The following P2RY6 variants were observed in gnomAD, a reference collection of about 807,000 sequenced individuals.
P2RY6 encodes P2Y purinoceptor 6.
In P2RY6, 19 loss-of-function variants were observed where a neutral mutation model predicts 16.3. The ratio of observed to expected loss-of-function variants is 1.16; its 90% CI spans 0.81 to 1.71. The LOEUF (loss-of-function observed/expected upper bound fraction) is 1.71, where lower values mean the gene tolerates loss of function less well. Ranked by LOEUF, P2RY6 falls within the 40% of genes most tolerant of loss-of-function variation. P2RY6 has a pLI of 0.00. For missense variants in P2RY6, 389 were observed against 455.5 expected, an observed-to-expected ratio of 0.85 and a Z score of 1.33; for synonymous variants, 184 against 201.5, an observed-to-expected ratio of 0.91 and a Z score of 0.74.
upstream of P2RY6, chr11:73,271,479 A>G (rs1312121691): frequency 6.6e-6 from 1 of 152,218 alleles, no homozygotes; most frequent in East Asian, 1.9e-4. Context: ...GAGGGTCGTG[A>G]TCAACTGAAC....
chr11:73,285,349 C>T (rs1053548239), intron 1 of P2RY6, among the ~76,000 whole-genome samples: 16 of 152,262 alleles, frequency 1.1e-4, no homozygotes, highest in African/African-American at 3.9e-4. Flanking sequence ...GCTGAGATTC[C>T]AGGCGTGAGC....
upstream of P2RY6, among the ~76,000 whole-genome samples, chr11:73,271,023 A>G (rs1306904177): frequency 6.6e-6 from 1 of 152,210 alleles, no homozygotes. Flanking sequence ...GCTAGACTAC[A>G]GGTGTCTCAA....
At chr11:73,274,701 C>A (rs1461580046) in intron 1 of P2RY6, among the ~76,000 whole-genome samples, 2 of 152,172 alleles carry the variant, frequency 1.3e-5, no homozygotes, top group Non-Finnish European at 2.9e-5. Flanking sequence ...AGTGTCCAGG[C>A]CCCAGAGCTC....
chr11:73,296,505 C>T lies in P2RY6; in HGVS notation c.-14C>T. On this transcript the variant is annotated 5_prime_UTR_variant, in exon 3 of 3. Transcript: ENST00000540124. Reference sequence around the variant, plus strand: ...CCCAGCCTCCCTGAACATAGGAAACCCACCTGGGCAGCCATGGAATGGGAC... The same window carrying T: ...CCCAGCCTCCCTGAACATAGGAAACTCACCTGGGCAGCCATGGAATGGGAC... 6.2e-7 allele frequency: 1 copy of T among 1,608,970 alleles called. No individual in the cohort carries two copies. The highest frequency in any genetic ancestry group is 8.5e-7 in the Non-Finnish European group (1 of 1,175,894).
chr11:73,275,822 G>A (rs902121119), intron 1 of P2RY6, among the ~76,000 whole-genome samples: 1 of 152,192 alleles, frequency 6.6e-6, no homozygotes, highest in Non-Finnish European at 1.5e-5. Flanking sequence ...GGATTCATTG[G>A]TGAGATTCAT....
At chr11:73,274,061 C>T (rs531186874) in intron 1 of P2RY6, among the ~76,000 whole-genome samples, 3 of 152,298 alleles carry the variant, frequency 2.0e-5, no homozygotes, top group African/African-American at 7.2e-5. Context: ...TGGTCTCAAA[C>T]TGCTGGCCTC....
In P2RY6 at chr11:73,292,179, G is replaced by A. The variant is rs891991510; in HGVS notation, c.-120-3551G>A. ...AGCCCACGTCCATCACTCCTCATGC[G>A]CTCTGCGCCTGCCGTGTGGAAGGGG... On this transcript the variant is annotated intron_variant, in intron 1 of 2. Coordinates refer to ENST00000540124, the MANE Select transcript of P2RY6 (RefSeq NM_001277204.2). 4.6e-5 allele frequency among the ~76,000 whole-genome samples: 7 copies of A among 152,378 alleles called. No homozygotes were observed. In the East Asian group the frequency reaches 5.8e-4, roughly 13 times the overall value.
intron 1 of P2RY6, among the ~76,000 whole-genome samples, chr11:73,265,741 C>T (rs1041893400): frequency 6.6e-6 from 1 of 152,172 alleles, no homozygotes; most frequent in Non-Finnish European, 1.5e-5. Flanking sequence ...GAAGGGGGTT[C>T]CCCTAGCAGG....
At position 73,296,831 on chromosome 11, in the gene P2RY6, C is replaced by T. The variant is rs1161621718; in HGVS notation, c.313C>T (p.Leu105Phe). 1 of 1,610,632 alleles carries T rather than the reference C, an allele frequency of 6.2e-7. No individual in the cohort carries two copies. The highest frequency in any genetic ancestry group is 1.3e-5 in the African/African-American group (1 of 75,062). ...CTTCGCCTGCCGCCTGGTCCGCTTC[C>T]TCTTCTATGCCAACCTGCACGGCAG... ...GDFACRLVRF[L>F]FYANLHGSIL... The change falls in exon 3 of 3, where the codon CTC becomes TTC. Residue 105 changes from leucine to phenylalanine, a missense_variant. Coordinates refer to ENST00000540124, the MANE Select transcript of P2RY6 (RefSeq NM_001277204.2).
intron 1 of P2RY6, among the ~76,000 whole-genome samples, chr11:73,284,329 G>T (rs367656556): frequency 6.6e-6 from 1 of 152,130 alleles, no homozygotes; most frequent in East Asian, 1.9e-4. Flanking sequence ...GGGAATCCTG[G>T]GTCCTGGTGG....
At chr11:73,287,303 A>G (rs1215062479) in intron 1 of P2RY6, among the ~76,000 whole-genome samples, 1 of 152,208 alleles carries the variant, frequency 6.6e-6, no homozygotes, top group Admixed American at 6.5e-5. Context: ...ATGCCCCAGT[A>G]AAAGCGCCAG....
At chr11:73,287,806 G>GT (rs2135733670) in intron 1 of P2RY6, among the ~76,000 whole-genome samples, 1 of 152,356 alleles carries the variant, frequency 6.6e-6, no homozygotes, top group Middle Eastern at 3.4e-3. Flanking sequence ...CCAGGGGAGA[G>GT]TTTTTTAGGA....
chr11:73,292,916 T>C (rs1864319489), intron 1 of P2RY6: 3 of 968,580 alleles, frequency 3.1e-6, no homozygotes, highest in Non-Finnish European at 3.6e-6. Flanking sequence ...GACAGGAGGC[T>C]GCCTGTGAGT....
intron 1 of P2RY6, among the ~76,000 whole-genome samples, chr11:73,273,322 A>G (rs1295518765): frequency 2.0e-5 from 3 of 151,598 alleles, no homozygotes; most frequent in Non-Finnish European, 4.4e-5. Context: ...ATTCAGGGAA[A>G]CTCTCCACCC....
chr11:73,295,883 G>GGAA, intron 2 of P2RY6, 68 bp downstream of exon 2: 1 of 579,564 alleles, frequency 1.7e-6, no homozygotes, highest in Non-Finnish European at 2.2e-6. Context: ...GACCCTGGGC[G>GGAA]AAGATGCAGA....
At position 73,290,303 on chromosome 11, in the gene P2RY6, A is replaced by AAAGAAAG. The variant is rs1260016714; in HGVS notation, c.-120-5425_-120-5424insGAAAGAA. Among the ~76,000 whole-genome samples the AAAGAAAG allele has an allele frequency of 4.1e-3, 464 of 113,104 alleles. 2 individuals carry two copies. Among genetic ancestry groups the AAAGAAAG allele is most frequent in the Non-Finnish European group, 5.4e-3 (299 of 55,800 alleles). The allele number at this position is 113,104 out of a possible 152,430, so 74.2% of individuals were successfully genotyped here. A position where few individuals can be genotyped will look rare whatever the true frequency, so the allele number is the denominator to read the frequency against. On this transcript the variant is annotated intron_variant, in intron 1 of 2. Transcript: ENST00000540124. ...GAAGGAAAGAAAGAAAGAAAGAAAG[A>AAAGAAAG]AAAGAAAGAAAGAAAGAAAGAAAGA...
At position 73,290,297 on chromosome 11, in the gene P2RY6, A is replaced by AG. The variant is rs754193082; in HGVS notation, c.-120-5432dup. Among the ~76,000 whole-genome samples, 60 of 135,544 alleles carry AG rather than the reference A, an allele frequency of 4.4e-4. 1 individual carries two copies. Among genetic ancestry groups the AG allele is most frequent in the Admixed American group, 3.0e-3 (39 of 13,102 alleles). The allele number at this position is 135,544 out of a possible 152,430, so 88.9% of individuals were successfully genotyped here. On this transcript the variant is annotated intron_variant, in intron 1 of 2. Coordinates refer to ENST00000540124, the MANE Select transcript of P2RY6 (RefSeq NM_001277204.2). ...AGAAAGGAAGGAAAGAAAGAAAGAA[A>AG]GAAAGAAAAGAAAGAAAGAAAGAAA...
intron 1 of P2RY6, chr11:73,292,941 G>A (rs1323966188): frequency 9.2e-6 from 9 of 975,168 alleles, no homozygotes; most frequent in Non-Finnish European, 9.7e-6. Flanking sequence ...GTGCATCTTG[G>A]GGCCATGGGC....
chr11:73,297,157 T>G lies in P2RY6; in HGVS notation c.639T>G (p.Cys213Trp), dbSNP rs765039190. 3 of 1,604,672 alleles carry G rather than the reference T, an allele frequency of 1.9e-6. No individual in the cohort carries two copies. Among genetic ancestry groups the G allele is most frequent in the African/African-American group, 1.3e-5 (1 of 75,036 alleles). The change falls in exon 3 of 3, where the codon TGT (cysteine) becomes TGG (tryptophan). Residue 213 changes from cysteine (C) to tryptophan (W), a missense_variant. Coordinates refer to ENST00000540124, the MANE Select transcript of P2RY6 (RefSeq NM_001277204.2). ...LPFAALLACY[C>W]LLACRLCRQD... is the part of the protein sequence containing the mutation. ...TTGCTGCCCTGCTGGCCTGCTACTG[T>G]CTCCTGGCCTGCCGCCTGTGCCGCC...
Sources: allele counts gnomAD v4.1 joint callset (sites outside exome capture counted in the v4.1 genomes callset), GRCh38; gene constraint gnomAD v4.1.1; transcripts MANE v1.5; gene names NCBI Gene and HGNC (gene_info 2026-07-23, HGNC 2026-07-21).